The following TPO variants were observed in gnomAD, a reference collection of about 807,000 sequenced individuals.
The protein encoded by TPO is thyroid peroxidase, also known as thyroid microsomal antigen.
Under a neutral mutation model 96.9 loss-of-function variants are expected in TPO, and 78 were observed. That is an observed-to-expected ratio of 0.81 (90% CI 0.67 to 0.97). The LOEUF is 0.97. TPO is among the 50% of genes least tolerant of loss of function. The pLI, the probability that TPO is intolerant of heterozygous loss-of-function variation, is 0.00. For synonymous variants in TPO, 547 were observed against 538.0 expected (o/e 1.02, Z -0.23); for missense variants, 1,252 against 1,274.8 (o/e 0.98, Z 0.27).
At chr2:1,541,294 C>G (rs974969022) in intron 16 of TPO, 1 of 709,286 alleles carries the variant, frequency 1.4e-6, no homozygotes, top group Non-Finnish European at 1.8e-6. Context: ...CGCCTCAGGT[C>G]TGCTGCACGG....
chr2:1,412,606 C>T (rs903705161), upstream of TPO, among the ~76,000 whole-genome samples: 1 of 151,928 alleles, frequency 6.6e-6, no homozygotes, highest in Non-Finnish European at 1.5e-5. Flanking sequence ...GCCTTTGCAT[C>T]GTGTTTTAGC....
At chr2:1,425,267 C>T (rs1456183939) in intron 3 of TPO, among the ~76,000 whole-genome samples, 2 of 152,090 alleles carry the variant, frequency 1.3e-5, no homozygotes, top group Non-Finnish European at 2.9e-5. Flanking sequence ...AGTCTATGCT[C>T]CTCCTGTAAA....
At chr2:1,414,119 A>G (rs1045834041) in intron 1 of TPO, among the ~76,000 whole-genome samples, 2 of 152,216 alleles carry the variant, frequency 1.3e-5, no homozygotes, top group Non-Finnish European at 2.9e-5. Flanking sequence ...CCAAAAATTT[A>G]AATAGGTTAT....
intron 2 of TPO, among the ~76,000 whole-genome samples, chr2:1,421,221 G>A (rs890930203): frequency 6.6e-6 from 1 of 152,000 alleles, no homozygotes; most frequent in Admixed American, 6.6e-5. Flanking sequence ...CCAGGCCCTG[G>A]ACCAAAAGCC....
intron 10 of TPO, among the ~76,000 whole-genome samples, chr2:1,493,212 G>GGGGGGA (rs1553321297): frequency 7.9e-6 from 1 of 127,240 alleles, no homozygotes; most frequent in Non-Finnish European, 1.7e-5. Context: ...GAGTGGGTGG[G>GGGGGGA]GGGGGGGGTG....
At chr2:1,541,424 CAT>C in intron 16 of TPO, 1 of 164,478 alleles carries the variant, frequency 6.1e-6, no homozygotes, top group Non-Finnish European at 1.3e-5. Context: ...GTGGCACAAA[CAT>C]AGCTCACTGC....
intron 1 of TPO, among the ~76,000 whole-genome samples, chr2:1,392,438 T>C (rs1371165451): frequency 6.6e-6 from 1 of 152,230 alleles, no homozygotes; most frequent in Non-Finnish European, 1.5e-5. Flanking sequence ...GCATCTATAT[T>C]CATCAGGGAT....
At chr2:1,481,238 C>T (rs1411473591) in intron 8 of TPO, among the ~76,000 whole-genome samples, 1 of 152,134 alleles carries the variant, frequency 6.6e-6, no homozygotes, top group Non-Finnish European at 1.5e-5. Context: ...TTGGTGATAA[C>T]TTTTGTGTTC....
chr2:1,493,232 G>A (rs968277514), intron 10 of TPO, among the ~76,000 whole-genome samples: 3 of 139,584 alleles, frequency 2.1e-5, no homozygotes, highest in Non-Finnish European at 4.6e-5. Context: ...GCTGGCTTCT[G>A]TGTGTGCTCC....
chr2:1,396,329 G>A (rs1463529711), intron 1 of TPO, among the ~76,000 whole-genome samples: 4 of 152,328 alleles, frequency 2.6e-5, no homozygotes, highest in South Asian at 2.1e-4. Flanking sequence ...CCCAAGAAGC[G>A]TTTACCCACT....
intron 8 of TPO, among the ~76,000 whole-genome samples, chr2:1,483,757 G>A (rs1484084486): frequency 6.6e-6 from 1 of 152,164 alleles, no homozygotes; most frequent in Non-Finnish European, 1.5e-5. Flanking sequence ...GGACAGCGAG[G>A]GCAGGTGCAC....
At position 1,477,416 on chromosome 2, in the gene TPO, G is replaced by A; in HGVS notation, c.1150G>A (p.Glu384Lys). The change falls in exon 8 of 17, where the codon GAG becomes AAG. Residue 384 changes from glutamate (E) to lysine (K), a missense_variant. By Grantham distance (56) the Glu-to-Lys change is moderately conservative. Coordinates refer to ENST00000329066, the MANE Select transcript of TPO (RefSeq NM_001206744.2). ...ACAPEPGIPG[E>K]TRGPCFLAGD... ...TGCGCCCGAGCCCGGCATCCCCGGA[G>A]AGACCCGCGGGCCCTGCTTCCTGGC... is the stretch of plus-strand genomic sequence containing the variant. 2 of 1,525,174 alleles carry A rather than the reference G, an allele frequency of 1.3e-6. No homozygotes were observed. The highest frequency in any genetic ancestry group is 2.5e-5 in the East Asian group (1 of 39,742). The allele number at this position is 1,525,174 out of a possible 1,614,324, so 94.5% of individuals were successfully genotyped here.
intron 7 of TPO, among the ~76,000 whole-genome samples, chr2:1,461,746 GACAC>G: frequency 6.6e-6 from 1 of 152,138 alleles, no homozygotes; most frequent in Middle Eastern, 3.4e-3. Context: ...ACATGCTCAT[GACAC>G]ACAGACCCAC....
At chr2:1,455,378 C>CA (rs1375477809) in intron 6 of TPO, among the ~76,000 whole-genome samples, 2 of 152,166 alleles carry the variant, frequency 1.3e-5, no homozygotes, top group Non-Finnish European at 2.9e-5. Flanking sequence ...AAGGTTCCCC[C>CA]AAACCCCATC....
At chr2:1,415,921 C>T (rs1332392957) in intron 2 of TPO, among the ~76,000 whole-genome samples, 1 of 152,138 alleles carries the variant, frequency 6.6e-6, no homozygotes, top group Non-Finnish European at 1.5e-5. Flanking sequence ...GACTCGTAGG[C>T]TCCTTAAAAA....
chr2:1,524,810 G>C (rs1676052774), intron 15 of TPO, among the ~76,000 whole-genome samples: 2 of 116,672 alleles, frequency 1.7e-5, no homozygotes, highest in African/African-American at 3.4e-5. Flanking sequence ...TCCCCCAACT[G>C]TGTGCCACTT....
At chr2:1,422,396 G>GA (rs1663836880) in intron 2 of TPO, among the ~76,000 whole-genome samples, 1 of 104,518 alleles carries the variant, frequency 9.6e-6, no homozygotes, top group Non-Finnish European at 2.0e-5. Context: ...GCCGCGCTGG[G>GA]CCATGGGGAG....
intron 14 of TPO, among the ~76,000 whole-genome samples, chr2:1,513,199 A>G (rs1558388349): frequency 6.6e-6 from 1 of 152,222 alleles, no homozygotes; most frequent in Non-Finnish European, 1.5e-5. Flanking sequence ...TCAGAATGAC[A>G]GCGTGAAACC....
chr2:1,541,242 G>C lies in TPO; in HGVS notation c.2748+519G>C. On this transcript the variant is annotated intron_variant, in intron 16 of 16. Transcript: ENST00000329066. ...ACAGTGGCCTCCAGAGGGGAGTGGG[G>C]AGGTGCTGGTCACAGGCACAAAGTC... is the stretch of plus-strand genomic sequence containing the variant. 4 of 1,090,890 alleles carry C rather than the reference G, an allele frequency of 3.7e-6. No homozygotes were observed. The South Asian group carries it at 1.1e-4, about 29-fold the overall frequency. The allele number at this position is 1,090,890 out of a possible 1,614,324, so 67.6% of individuals were successfully genotyped here.
Sources: gnomAD v4.1 joint callset for allele counts (sites outside exome capture counted in the v4.1 genomes callset) on GRCh38, gnomAD v4.1.1 for gene constraint, MANE v1.5 for transcripts, NCBI Gene and HGNC (gene_info 2026-07-23, HGNC 2026-07-21) for gene names.